The following TSHZ2 variants were observed in gnomAD, a reference collection of about 807,000 sequenced individuals.
TSHZ2 encodes teashirt homolog 2.
In TSHZ2, 21 loss-of-function variants were observed where a neutral mutation model predicts 74.4. The ratio of observed to expected loss-of-function variants is 0.28; its 90% CI spans 0.20 to 0.41. The LOEUF (loss-of-function observed/expected upper bound fraction) is 0.41. Among genes scored for constraint, TSHZ2 ranks in the 10% least tolerant of loss-of-function variants. The probability of loss-of-function intolerance (pLI) is 1.00; values close to 1 mark genes in which losing one functional copy is unlikely to be tolerated. For missense variants in TSHZ2, 1,244 were observed against 1,293.5 expected (o/e 0.96, Z 0.59); for synonymous variants, 540 against 515.3 (o/e 1.05, Z -0.65).
intron 1 of TSHZ2, among the ~76,000 whole-genome samples, chr20:53,091,436 C>G (rs1021454792): frequency 6.6e-6 from 1 of 152,182 alleles, no homozygotes; most frequent in Non-Finnish European, 1.5e-5. Flanking sequence ...AGCAAAGCTA[C>G]AGATTCAAGT....
At chr20:53,273,020 G>A (rs1032852495) in intron 2 of TSHZ2, among the ~76,000 whole-genome samples, 1 of 152,212 alleles carries the variant, frequency 6.6e-6, no homozygotes, top group African/African-American at 2.4e-5. Context: ...GTGGCAACTT[G>A]GAAGCAGAAC....
chr20:53,362,492 T>C (rs189149920), intron 2 of TSHZ2, among the ~76,000 whole-genome samples: 2 of 152,278 alleles, frequency 1.3e-5, no homozygotes, highest in Admixed American at 1.3e-4. Flanking sequence ...CCCACACAGT[T>C]TTTATATGCT....
At chr20:53,224,965 G>C (rs1989650871) in intron 1 of TSHZ2, among the ~76,000 whole-genome samples, 1 of 152,092 alleles carries the variant, frequency 6.6e-6, no homozygotes. Context: ...TTAAATCAGA[G>C]TCATCAAACT....
chr20:52,995,890 A>G (rs539220241), intron 1 of TSHZ2, among the ~76,000 whole-genome samples: 6 of 152,074 alleles, frequency 3.9e-5, no homozygotes, highest in Admixed American at 3.9e-4. Context: ...CCAAAGTGCT[A>G]GGATTAAAGG....
At chr20:53,198,680 T>C (rs576418766) in intron 1 of TSHZ2, among the ~76,000 whole-genome samples, 1 of 152,320 alleles carries the variant, frequency 6.6e-6, no homozygotes, top group Admixed American at 6.5e-5. Context: ...TATCTTACTT[T>C]ACCTTTGAAA....
At chr20:53,138,773 G>A (rs574760490) in intron 1 of TSHZ2, among the ~76,000 whole-genome samples, 2 of 152,340 alleles carry the variant, frequency 1.3e-5, no homozygotes, top group African/African-American at 4.8e-5. Flanking sequence ...AACACCTGAT[G>A]TTCTGGCTGT....
rs1981417891 is a variant in TSHZ2 at position 52,978,190 on chromosome 20, T to A, written c.40+4857T>A. On this transcript the variant is annotated intron_variant, in intron 1 of 2. Transcript: ENST00000371497. ...TTGATCTGTTTCTTTTCCCAGGGCC[T>A]TGGGAATTGTGCTGTCCATTGAATG... 1.3e-5 allele frequency among the ~76,000 whole-genome samples: 2 copies of A among 152,146 alleles called. 1 individual carries two copies.
intron 1 of TSHZ2, among the ~76,000 whole-genome samples, chr20:53,135,871 T>C (rs988041723): frequency 5.3e-5 from 8 of 152,272 alleles, no homozygotes; most frequent in Middle Eastern, 3.4e-3. Flanking sequence ...TCCCAAAGCA[T>C]TGGGATTATA....
At chr20:53,458,820 A>C (rs2145805078) in intron 2 of TSHZ2, among the ~76,000 whole-genome samples, 1 of 151,636 alleles carries the variant, frequency 6.6e-6, no homozygotes, top group South Asian at 2.1e-4. Context: ...TTCGTTATGT[A>C]CCCAGTAGTC....
At chr20:53,150,458 G>C (rs1399515489) in intron 1 of TSHZ2, among the ~76,000 whole-genome samples, 2 of 152,228 alleles carry the variant, frequency 1.3e-5, no homozygotes, top group East Asian at 1.9e-4. Flanking sequence ...ATAAATGGTT[G>C]AAAAATTTTG....
intron 2 of TSHZ2, among the ~76,000 whole-genome samples, chr20:53,447,514 A>G (rs1039952706): frequency 5.3e-5 from 8 of 152,220 alleles, no homozygotes; most frequent in Non-Finnish European, 7.3e-5. Flanking sequence ...CACTGGCTCA[A>G]TACTAGTCAC....
chr20:53,047,175 G>A (rs6068438), intron 1 of TSHZ2, among the ~76,000 whole-genome samples: 24 of 152,140 alleles, frequency 1.6e-4, no homozygotes, highest in South Asian at 8.3e-4. Flanking sequence ...AAACAATGCC[G>A]GTTTGGCTTC....
At chr20:53,381,859 C>T (rs1981870288) in intron 2 of TSHZ2, among the ~76,000 whole-genome samples, 1 of 152,200 alleles carries the variant, frequency 6.6e-6, no homozygotes, top group South Asian at 2.1e-4. Flanking sequence ...TCCCCATTCC[C>T]AAATCCACAG....
At chr20:53,039,653 A>G (rs1983963734) in intron 1 of TSHZ2, among the ~76,000 whole-genome samples, 7 of 152,084 alleles carry the variant, frequency 4.6e-5, no homozygotes, top group Admixed American at 4.6e-4. Flanking sequence ...GGTGGCAGGC[A>G]CCTGTAATTC....
At chr20:53,090,176 C>T (rs1450202031) in intron 1 of TSHZ2, among the ~76,000 whole-genome samples, 1 of 152,092 alleles carries the variant, frequency 6.6e-6, no homozygotes, top group African/African-American at 2.4e-5. Context: ...GAGGACTCAG[C>T]AAATCTGCTC....
chr20:53,264,219 C>T (rs1283295870), intron 2 of TSHZ2, among the ~76,000 whole-genome samples: 2 of 152,162 alleles, frequency 1.3e-5, no homozygotes, highest in African/African-American at 4.8e-5. Context: ...AGCAAAACTG[C>T]AAAGTAAATA....
At chr20:53,331,026 A>G (rs1979701878) in intron 2 of TSHZ2, among the ~76,000 whole-genome samples, 1 of 152,238 alleles carries the variant, frequency 6.6e-6, no homozygotes, top group South Asian at 2.1e-4. Flanking sequence ...GCCTGCTGTG[A>G]ATTATATTAT....
At chr20:53,135,747 T>G (rs1374028024) in intron 1 of TSHZ2, among the ~76,000 whole-genome samples, 1 of 151,954 alleles carries the variant, frequency 6.6e-6, no homozygotes, top group African/African-American at 2.4e-5. Flanking sequence ...GAACTACAGG[T>G]GTGCACCACC....
intron 2 of TSHZ2, among the ~76,000 whole-genome samples, chr20:53,303,118 T>C (rs1178727950): frequency 1.3e-5 from 2 of 152,228 alleles, no homozygotes; most frequent in Non-Finnish European, 2.9e-5. Flanking sequence ...GATTTCTTTT[T>C]CTCTCAGTAC....
Sources: allele counts gnomAD v4.1 joint callset (sites outside exome capture counted in the v4.1 genomes callset), GRCh38; gene constraint gnomAD v4.1.1; transcripts MANE v1.5; gene names NCBI Gene and HGNC (gene_info 2026-07-23, HGNC 2026-07-21).